Variants in RAB3C observed in about 807,000 individuals in gnomAD.
RAB3C encodes ras-related protein Rab-3C.
In RAB3C, 17 loss-of-function variants were observed where a neutral mutation model predicts 26.4. The ratio of observed to expected loss-of-function variants is 0.64; its 90% confidence interval spans 0.44 to 0.97. RAB3C has a LOEUF of 0.97. Ranked by LOEUF, RAB3C falls within the 50% of genes least tolerant of loss-of-function variation. The pLI, the probability that RAB3C is intolerant of heterozygous loss-of-function variation, is 0.00. For missense variants in RAB3C, 242 were observed against 281.9 expected (o/e 0.86, Z 1.01); for synonymous variants, 91 against 95.9 (o/e 0.95, Z 0.30).
chr5:58,744,285 A>G (rs6876953), intron 3 of RAB3C, among the ~76,000 whole-genome samples: 3,898 of 152,304 alleles, frequency 0.026, 170 homozygotes, highest in African/African-American at 0.089. Context: ...AATGATGAGA[A>G]GTTGTTTCTA....
intron 2 of RAB3C, among the ~76,000 whole-genome samples, chr5:58,628,376 T>G (rs995806379): frequency 6.6e-6 from 1 of 152,028 alleles, no homozygotes; most frequent in African/African-American, 2.4e-5. Context: ...AGATGCAGAC[T>G]CCAGAGCTAG....
intron 3 of RAB3C, among the ~76,000 whole-genome samples, chr5:58,739,477 A>G (rs293003): frequency 0.8 from 121,743 of 152,094 alleles, 49,026 homozygotes; most frequent in East Asian, 0.95. Flanking sequence ...CTAGTTATCA[A>G]TTACGAACCA....
intron 2 of RAB3C, among the ~76,000 whole-genome samples, chr5:58,695,802 A>C (rs1748685193): frequency 6.6e-6 from 1 of 152,188 alleles, no homozygotes; most frequent in Non-Finnish European, 1.5e-5. Flanking sequence ...GAAGTTGCTT[A>C]TCAGCTTAAG....
At chr5:58,687,431 A>C (rs72760286) in intron 2 of RAB3C, among the ~76,000 whole-genome samples, 162 of 152,244 alleles carry the variant, frequency 1.1e-3, no homozygotes, top group Non-Finnish European at 2.0e-3. Context: ...GAATAGGGCT[A>C]AAAATGAAGG....
chr5:58,724,247 A>G (rs1230144213), intron 2 of RAB3C, among the ~76,000 whole-genome samples: 1 of 151,670 alleles, frequency 6.6e-6, no homozygotes, highest in Non-Finnish European at 1.5e-5. Context: ...CTTTACATGA[A>G]TTACTTCATG....
intron 3 of RAB3C, among the ~76,000 whole-genome samples, chr5:58,808,957 T>C (rs1168217521): frequency 6.6e-6 from 1 of 152,252 alleles, no homozygotes; most frequent in Non-Finnish European, 1.5e-5. Flanking sequence ...GTACCAAATT[T>C]GGTAGCCATG....
intron 2 of RAB3C, among the ~76,000 whole-genome samples, chr5:58,640,204 G>A (rs773127505): frequency 2.0e-5 from 3 of 152,162 alleles, no homozygotes; most frequent in African/African-American, 2.4e-5. Flanking sequence ...CTGAAGTCAA[G>A]CTCATTCTGG....
chr5:58,837,557 C>T (rs372718550), intron 4 of RAB3C, among the ~76,000 whole-genome samples: 169 of 118,844 alleles, frequency 1.4e-3, no homozygotes, highest in Non-Finnish European at 2.3e-3. Context: ...TTCAGTCTCT[C>T]TTTTTTTTTT....
At chr5:58,687,095 A>G (rs1748459887) in intron 2 of RAB3C, among the ~76,000 whole-genome samples, 1 of 152,162 alleles carries the variant, frequency 6.6e-6, no homozygotes, top group African/African-American at 2.4e-5. Context: ...AGACAATGTA[A>G]TCATCTTTGT....
chr5:58,804,734 G>T (rs1287992082), intron 3 of RAB3C, among the ~76,000 whole-genome samples: 1 of 151,762 alleles, frequency 6.6e-6, no homozygotes, highest in East Asian at 1.9e-4. Flanking sequence ...TCTCTCCAGA[G>T]CAATGTTCAT....
chr5:58,640,171 A>G (rs1747384335), intron 2 of RAB3C, among the ~76,000 whole-genome samples: 1 of 152,142 alleles, frequency 6.6e-6, no homozygotes, highest in Non-Finnish European at 1.5e-5. Context: ...GAGAAAGGGG[A>G]GCAGCCTCTC....
At chr5:58,584,727 A>C (rs1474914047) in intron 1 of RAB3C, among the ~76,000 whole-genome samples, 1 of 152,168 alleles carries the variant, frequency 6.6e-6, no homozygotes, top group Non-Finnish European at 1.5e-5. Flanking sequence ...ATTTCCAAGA[A>C]TTTTTGAAAA....
chr5:58,793,279 C>G (rs1742570902), intron 3 of RAB3C, among the ~76,000 whole-genome samples: 1 of 152,178 alleles, frequency 6.6e-6, no homozygotes, highest in South Asian at 2.1e-4. Context: ...GAATTCCTGG[C>G]CGGGCGCGGT....
chr5:58,709,985 A>G (rs1463070266), intron 2 of RAB3C, among the ~76,000 whole-genome samples: 2 of 152,178 alleles, frequency 1.3e-5, no homozygotes, highest in African/African-American at 4.8e-5. Flanking sequence ...TCTCATACAG[A>G]AATGTGAGGT....
rs1744318172 is a variant in RAB3C, at chr5:58,858,708, C to CA, written c.*7358dup. 1 of 152,172 alleles carries CA rather than the reference C, an allele frequency of 6.6e-6. No individual in the cohort carries two copies. The highest frequency in any genetic ancestry group is 1.5e-5 in the Non-Finnish European group (1 of 68,022). The allele number at this position is 152,172 out of a possible 1,614,324, so 9.4% of individuals were successfully genotyped here. On this transcript the variant is annotated 3_prime_UTR_variant, in exon 5 of 5. Coordinates refer to ENST00000282878, the MANE Select transcript of RAB3C (RefSeq NM_138453.4). Reference sequence around the variant, plus strand: ...AGAGACAAAGCTATCAGCTATAGATCATTGTTTTCTTAAGACAGCCAAACT... The same window carrying CA: ...AGAGACAAAGCTATCAGCTATAGATCAATTGTTTTCTTAAGACAGCCAAACT...
At chr5:58,721,007 C>T (rs1013516184) in intron 2 of RAB3C, among the ~76,000 whole-genome samples, 7 of 151,670 alleles carry the variant, frequency 4.6e-5, no homozygotes, top group Admixed American at 2.6e-4. Context: ...TCAGTACATA[C>T]AGTTTTAAAA....
Position 58,606,069 on chromosome 5 carries a change from G to A in RAB3C, c.25-11574G>A, listed in dbSNP as rs191281673. 5.5e-3 allele frequency among the ~76,000 whole-genome samples: 843 copies of A among 152,314 alleles called. 12 individuals are homozygous for A. The highest frequency in any genetic ancestry group is 0.019 in the African/African-American group (787 of 41,572). Reference sequence around the variant, plus strand: ...TGGTTGGACAGTGGGTGCAGCCCACGGAGGGTGAGCTGAAGCAGGGTGGGG... The same window carrying A: ...TGGTTGGACAGTGGGTGCAGCCCACAGAGGGTGAGCTGAAGCAGGGTGGGG... On this transcript the variant is annotated intron_variant, in intron 1 of 4. Transcript: ENST00000282878.
intron 2 of RAB3C, among the ~76,000 whole-genome samples, chr5:58,692,225 A>G (rs563491002): frequency 8.7e-4 from 132 of 152,352 alleles, no homozygotes; most frequent in Non-Finnish European, 1.2e-3. Flanking sequence ...TTATAAACTC[A>G]AAGTTTAGCT....
intron 2 of RAB3C, among the ~76,000 whole-genome samples, chr5:58,700,046 A>G (rs1389898565): frequency 1.3e-5 from 2 of 152,182 alleles, no homozygotes; most frequent in Non-Finnish European, 2.9e-5. Flanking sequence ...TCTTCTCTGT[A>G]GATCATGCTG....
Sources: allele counts gnomAD v4.1 joint callset (sites outside exome capture counted in the v4.1 genomes callset), GRCh38; gene constraint gnomAD v4.1.1; transcripts MANE v1.5; gene names NCBI Gene and HGNC (gene_info 2026-07-23, HGNC 2026-07-21).